ANKS1A: variants seen among roughly 807,000 people sequenced by gnomAD.
ANKS1A encodes the protein ankyrin repeat and sterile alpha motif domain containing 1A, also known as ankyrin repeat and SAM domain-containing protein 1A.
A neutral mutation model predicts 120.3 loss-of-function variants in ANKS1A; 55 were observed. That is an observed-to-expected ratio of 0.46 (90% confidence interval 0.37 to 0.57). The LOEUF (loss-of-function observed/expected upper bound fraction) is 0.57, where lower values mean the gene tolerates loss of function less well. Among genes scored for constraint, ANKS1A ranks in the 20% least tolerant of loss-of-function variants. The pLI is 0.00. For synonymous variants in ANKS1A, 590 were observed against 604.7 expected, an observed-to-expected ratio of 0.98 and a Z score of 0.36; for missense variants, 1,123 against 1,480.3, an observed-to-expected ratio of 0.76 and a Z score of 3.96.
intron 13 of ANKS1A, among the ~76,000 whole-genome samples, chr6:35,073,952 G>A (rs757840216): frequency 1.3e-5 from 2 of 152,240 alleles, no homozygotes; most frequent in Non-Finnish European, 2.9e-5. Context: ...GGAGGACCCC[G>A]CGCTGCGCCC....
rs188477197 is a variant in ANKS1A, at chr6:34,914,688, C to T, written c.197+25089C>T. Among the ~76,000 whole-genome samples, 180 of 152,306 alleles carry T rather than the reference C, an allele frequency of 1.2e-3. 1 individual carries two copies. The highest frequency in any genetic ancestry group is 3.1e-3 in the Admixed American group (48 of 15,294). On this transcript the variant is annotated intron_variant, in intron 1 of 23. Transcript: ENST00000360359. ...ATTTTAGGTTTATTTTATTAAAAAA[C>T]AGGCCTTTGGGCTTCCTGTGTTATT...
chr6:34,891,078 A>G (rs1766798190), intron 1 of ANKS1A, among the ~76,000 whole-genome samples: 1 of 152,248 alleles, frequency 6.6e-6, no homozygotes, highest in African/African-American at 2.4e-5. Flanking sequence ...AGCAGCTCAG[A>G]GAACAGAGAC....
At chr6:34,904,300 A>C (rs1767525845) in intron 1 of ANKS1A, among the ~76,000 whole-genome samples, 1 of 152,152 alleles carries the variant, frequency 6.6e-6, no homozygotes, top group Non-Finnish European at 1.5e-5. Flanking sequence ...TTTAATATAG[A>C]TGCAGCCATC....
chr6:35,026,214 A>C (rs1273668667), intron 11 of ANKS1A, among the ~76,000 whole-genome samples: 1 of 152,188 alleles, frequency 6.6e-6, no homozygotes, highest in African/African-American at 2.4e-5. Flanking sequence ...AGAGTGCGTG[A>C]TTTTGTATGA....
In ANKS1A at chr6:35,050,706, G is replaced by T. The variant is rs1775925639; in HGVS notation, c.2011-3393G>T. On this transcript the variant is annotated intron_variant, in intron 11 of 23. Transcript: ENST00000360359. The surrounding 1 kb of genome is among the most constrained non-coding windows in gnomAD (Gnocchi z 4.3). ...GCTTCTCCCCATCTGCACAGCTCAGGCTGAGGGCTTGGGCAGACCACAGCT... is the reference window on the plus strand; with the variant it reads ...GCTTCTCCCCATCTGCACAGCTCAGTCTGAGGGCTTGGGCAGACCACAGCT... Among the ~76,000 whole-genome samples the T allele has an allele frequency of 6.6e-6, 1 of 152,214 alleles. No individual in the cohort carries two copies. The highest frequency in any genetic ancestry group is 2.4e-5 in the African/African-American group (1 of 41,458).
chr6:35,031,884 A>G (rs1045787861), intron 11 of ANKS1A, among the ~76,000 whole-genome samples: 7 of 151,952 alleles, frequency 4.6e-5, no homozygotes, highest in South Asian at 4.2e-4. Flanking sequence ...GTTAATTCCT[A>G]TACTCACTGT....
rs1353219741 is a variant in ANKS1A at position 34,990,516 on chromosome 6, G to A, written c.1302+1200G>A. On this transcript the variant is annotated intron_variant, in intron 9 of 23. Transcript: ENST00000360359. ...CTTTTTTTTTTTTTTTTTTAACAAG[G>A]AGAAGCCTAATAATAAGAATATTCA... Among the ~76,000 whole-genome samples the A allele has an allele frequency of 2.7e-5, 4 of 146,058 alleles. No homozygotes were observed. The East Asian group carries it at 6.0e-4, about 22-fold the overall frequency.
chr6:34,941,729 A>C (rs1317539186), intron 1 of ANKS1A, among the ~76,000 whole-genome samples: 17 of 152,204 alleles, frequency 1.1e-4, no homozygotes. Flanking sequence ...CTTGGGGATA[A>C]CTTTCGTCAT....
intron 1 of ANKS1A, among the ~76,000 whole-genome samples, chr6:34,905,393 A>C (rs969148318): frequency 1.3e-5 from 2 of 152,226 alleles, no homozygotes; most frequent in Non-Finnish European, 2.9e-5. Flanking sequence ...TAGTATTTGA[A>C]GTCAGTAACT....
At chr6:35,006,350 T>A (rs1399406241) in intron 10 of ANKS1A, among the ~76,000 whole-genome samples, 1 of 151,982 alleles carries the variant, frequency 6.6e-6, no homozygotes, top group African/African-American at 2.4e-5. Context: ...TTGTACATTT[T>A]AAAATAACTA....
intron 14 of ANKS1A, 89 bp from the exon 15 acceptor site, chr6:35,079,427 G>A: frequency 6.5e-7 from 1 of 1,543,042 alleles, no homozygotes; most frequent in Non-Finnish European, 8.8e-7. Context: ...CCTGGCCACA[G>A]TCTGTGTGAG....
intron 11 of ANKS1A, among the ~76,000 whole-genome samples, chr6:35,040,698 A>G (rs1775413028): frequency 6.6e-6 from 1 of 152,230 alleles, no homozygotes; most frequent in South Asian, 2.1e-4. Context: ...TTATTACTCA[A>G]GCATCTGATT....
intron 3 of ANKS1A, among the ~76,000 whole-genome samples, chr6:34,975,958 T>G (rs1412158825): frequency 2.6e-5 from 4 of 151,394 alleles, no homozygotes; most frequent in Admixed American, 2.6e-4. Context: ...GCCAACATGG[T>G]GAAACCCCGT....
At chr6:35,062,260 C>T (rs997292896) in intron 13 of ANKS1A, among the ~76,000 whole-genome samples, 1 of 152,196 alleles carries the variant, frequency 6.6e-6, no homozygotes, top group Non-Finnish European at 1.5e-5. Context: ...GAGCACCCCT[C>T]GGGTGAGCCG....
At chr6:35,064,478 G>A (rs1776667421) in intron 13 of ANKS1A, among the ~76,000 whole-genome samples, 2 of 152,194 alleles carry the variant, frequency 1.3e-5, no homozygotes, top group Non-Finnish European at 2.9e-5. Context: ...GTGTTGGAGA[G>A]AAATGACAGA....
chr6:34,892,821 T>C lies in ANKS1A; in HGVS notation c.197+3222T>C, dbSNP rs529483436. 1.8e-4 allele frequency among the ~76,000 whole-genome samples: 28 copies of C among 152,306 alleles called. 1 individual carries two copies. In the South Asian group the frequency reaches 4.1e-3, roughly 23 times the overall value. Reference sequence around the variant, plus strand: ...ATCGCTTTGGCCTGTCAGTATAATGTTTACATATAGCAACCCTCACCGATT... The same window carrying C: ...ATCGCTTTGGCCTGTCAGTATAATGCTTACATATAGCAACCCTCACCGATT... On this transcript the variant is annotated intron_variant, in intron 1 of 23. Transcript: ENST00000360359.
intron 13 of ANKS1A, among the ~76,000 whole-genome samples, chr6:35,061,693 G>A (rs1195581177): frequency 2.0e-5 from 3 of 152,238 alleles, no homozygotes; most frequent in South Asian, 2.1e-4. Context: ...GAAATCTTAA[G>A]TTTTAAAATA....
At chr6:35,003,341 A>G (rs1156240374) in intron 10 of ANKS1A, among the ~76,000 whole-genome samples, 3 of 152,208 alleles carry the variant, frequency 2.0e-5, no homozygotes, top group African/African-American at 4.8e-5. Context: ...TGGCCCGGCA[A>G]GAAACTCAGA....
chr6:35,060,572 TTTTA>T lies in ANKS1A; in HGVS notation c.2184+327_2184+330del, dbSNP rs1776447333. ...TCCCATCAAGGCTGGGTACGAGGAG[TTTTA>T]TTTATTTCTCAAAACTTGGTGTCAA... On this transcript the variant is annotated intron_variant, in intron 13 of 23. Transcript: ENST00000360359. This position sits in a 1 kb window ranked among gnomAD's most constrained non-coding sequence, Gnocchi z 4.5. 6.6e-6 allele frequency among the ~76,000 whole-genome samples: 1 copy of T among 151,268 alleles called. No individual in the cohort carries two copies. The highest frequency in any genetic ancestry group is 2.4e-5 in the African/African-American group (1 of 41,108).
Sources: gnomAD v4.1 joint callset for allele counts (sites outside exome capture counted in the v4.1 genomes callset) on GRCh38, gnomAD v4.1.1 for gene constraint, Gnocchi (gnomAD v3.1) non-coding constraint, MANE v1.5 for transcripts, NCBI Gene and HGNC (gene_info 2026-07-23, HGNC 2026-07-21) for gene names.